The following UBXN7 variants were observed in gnomAD, a reference collection of about 807,000 sequenced individuals.
The protein encoded by UBXN7 is UBX domain protein 7.
In UBXN7, 9 loss-of-function variants were observed where a neutral mutation model predicts 58.0. The ratio of observed to expected loss-of-function variants is 0.16; its 90% confidence interval spans 0.09 to 0.27. The LOEUF is 0.27. Among genes scored for constraint, UBXN7 ranks in the 10% least tolerant of loss-of-function variants. UBXN7 has a pLI of 1.00. For missense variants in UBXN7, 328 were observed against 599.6 expected, an observed-to-expected ratio of 0.55 and a Z score of 4.73; for synonymous variants, 208 against 205.0, an observed-to-expected ratio of 1.01 and a Z score of -0.12.
chr3:196,364,359 T>C (rs1728596767), intron 8 of UBXN7, among the ~76,000 whole-genome samples: 2 of 152,316 alleles, frequency 1.3e-5, no homozygotes, highest in Non-Finnish European at 2.9e-5. Flanking sequence ...AATGACATTG[T>C]GATAGTATTT....
At chr3:196,367,052 G>A (rs1251611979) in intron 8 of UBXN7, among the ~76,000 whole-genome samples, 3 of 151,974 alleles carry the variant, frequency 2.0e-5, no homozygotes, top group Admixed American at 6.6e-5. Context: ...ATGCAGTGGT[G>A]TACGTCTGTA....
rs546159995 is a variant in UBXN7 at position 196,403,051 on chromosome 3, A to G, written c.222-32T>C. 32 of 1,569,612 alleles carry G rather than the reference A, an allele frequency of 2.0e-5. 1 individual carries two copies. The South Asian group carries it at 3.4e-4, about 17-fold the overall frequency. The stretch of plus-strand genomic sequence containing the variant: ...AAAAAAAATGGGAAAATAAAAAATG[A>G]AAACTGTTTTCTGCTACCTGTTTGC... On this transcript the variant is annotated intron_variant, in intron 2 of 10. Coordinates refer to ENST00000296328, the MANE Select transcript of UBXN7 (RefSeq NM_015562.2).
At chr3:196,381,517 C>T (rs987882377) in intron 5 of UBXN7, among the ~76,000 whole-genome samples, 3 of 152,258 alleles carry the variant, frequency 2.0e-5, no homozygotes, top group South Asian at 2.1e-4. Context: ...TAGATAAAAC[C>T]GCAAAGATGG....
intron 3 of UBXN7, among the ~76,000 whole-genome samples, chr3:196,394,230 G>C (rs1216701180): frequency 6.9e-6 from 1 of 144,292 alleles, no homozygotes; most frequent in Non-Finnish European, 1.5e-5. Flanking sequence ...AGAGGTTGCA[G>C]TAAGCCAAGA....
chr3:196,385,153 C>G (rs1309825210), intron 5 of UBXN7, among the ~76,000 whole-genome samples: 1 of 152,220 alleles, frequency 6.6e-6, no homozygotes, highest in African/African-American at 2.4e-5. Flanking sequence ...CAGGCGCGCG[C>G]CACCACGCCT....
chr3:196,370,055 G>A (rs543395904), intron 6 of UBXN7, among the ~76,000 whole-genome samples: 6 of 151,290 alleles, frequency 4.0e-5, no homozygotes, highest in Admixed American at 1.3e-4. Context: ...GCTTGAACCC[G>A]GGAGGCAGAG....
chr3:196,415,299 G>A (rs937875250), intron 1 of UBXN7, among the ~76,000 whole-genome samples: 1 of 151,110 alleles, frequency 6.6e-6, no homozygotes, highest in Non-Finnish European at 1.5e-5. Context: ...GACAATAGGC[G>A]CACGCCACCA....
At chr3:196,365,900 G>A (rs924078444) in intron 8 of UBXN7, among the ~76,000 whole-genome samples, 5 of 152,044 alleles carry the variant, frequency 3.3e-5, no homozygotes, top group African/African-American at 1.2e-4. Context: ...CAAACATTAA[G>A]GAAGAAATAA....
In UBXN7 at chr3:196,364,513, C is replaced by T. The variant is rs139070962; in HGVS notation, c.835-1826G>A. Among the ~76,000 whole-genome samples the T allele has an allele frequency of 4.0e-5, 6 of 151,622 alleles. No individual in the cohort carries two copies. In the East Asian group the frequency reaches 7.7e-4, roughly 20 times the overall value. On this transcript the variant is annotated intron_variant, in intron 8 of 10. Transcript: ENST00000296328. ...AGACTGGCCATCTGCTGATAATTAC[C>T]GAAATTAGCTAACAAAGAGGCTCAA... is the stretch of plus-strand genomic sequence containing the variant.
At chr3:196,371,506 G>GAT (rs944044172) in intron 6 of UBXN7, among the ~76,000 whole-genome samples, 7 of 152,130 alleles carry the variant, frequency 4.6e-5, no homozygotes, top group Non-Finnish European at 8.8e-5. Context: ...GTTTGAGATG[G>GAT]AGTCTAGCTC....
At chr3:196,405,469 C>CA (rs57818110) in intron 2 of UBXN7, among the ~76,000 whole-genome samples, 88 of 116,828 alleles carry the variant, frequency 7.5e-4, no homozygotes, top group African/African-American at 8.5e-4. Context: ...GACTCCGTCT[C>CA]AAAAAAAAAA....
intron 5 of UBXN7, among the ~76,000 whole-genome samples, chr3:196,383,247 C>T (rs1729271461): frequency 6.6e-6 from 1 of 152,104 alleles, no homozygotes; most frequent in Admixed American, 6.6e-5. Context: ...GTCAATTCAA[C>T]AAGAAGAGCT....
chr3:196,419,017 G>A (rs944165129), intron 1 of UBXN7, among the ~76,000 whole-genome samples: 3 of 152,178 alleles, frequency 2.0e-5, no homozygotes, highest in African/African-American at 4.8e-5. Flanking sequence ...TGTAATCCCA[G>A]CACTTTGGGA....
At chr3:196,387,983 C>T (rs1206425927) in intron 5 of UBXN7, among the ~76,000 whole-genome samples, 3 of 152,066 alleles carry the variant, frequency 2.0e-5, no homozygotes, top group Admixed American at 6.6e-5. Context: ...GCTATAAAGA[C>T]ACATGCACAC....
At chr3:196,388,906 T>G (rs1729493554) in intron 5 of UBXN7, among the ~76,000 whole-genome samples, 1 of 151,922 alleles carries the variant, frequency 6.6e-6, no homozygotes, top group South Asian at 2.1e-4. Flanking sequence ...TGCAGATGGT[T>G]AAGTATAATA....
chr3:196,388,476 T>TG (rs537871462), intron 5 of UBXN7, among the ~76,000 whole-genome samples: 44 of 151,734 alleles, frequency 2.9e-4, no homozygotes, highest in South Asian at 1.5e-3. Context: ...ACTGTTTGTT[T>TG]TTTTTTTTTC....
chr3:196,386,192 CG>C (rs997289297), intron 5 of UBXN7, among the ~76,000 whole-genome samples: 2 of 151,518 alleles, frequency 1.3e-5, no homozygotes, highest in African/African-American at 2.4e-5. Flanking sequence ...ACTCGTTAAG[CG>C]TCATCACCAC....
chr3:196,398,021 G>A (rs911036907), intron 3 of UBXN7, among the ~76,000 whole-genome samples: 2 of 152,172 alleles, frequency 1.3e-5, no homozygotes, highest in Non-Finnish European at 2.9e-5. Flanking sequence ...CTTGAGTACA[G>A]GCAGGATTGA....
At position 196,374,863 on chromosome 3, in the gene UBXN7, TGAGGG is replaced by T. The variant is rs1238328772; in HGVS notation, c.469-2826_469-2822del. 1.9e-4 allele frequency among the ~76,000 whole-genome samples: 10 copies of T among 53,934 alleles called. 1 individual carries two copies. The highest frequency in any genetic ancestry group is 1.4e-3 in the Admixed American group (6 of 4,344). The allele number at this position is 53,934 out of a possible 152,430, so 35.4% of individuals were successfully genotyped here. On this transcript the variant is annotated intron_variant, in intron 5 of 10. Coordinates refer to ENST00000296328, the MANE Select transcript of UBXN7 (RefSeq NM_015562.2). ...TTGCACTCCAGCCTGGGCAACAGAGTGAGGGGAGGGGAGGGGAGGGGAGGGGGAGG... is the reference window on the plus strand; with the variant it reads ...TTGCACTCCAGCCTGGGCAACAGAGTGAGGGGAGGGGAGGGGAGGGGGAGG...
Sources: allele counts gnomAD v4.1 joint callset (sites outside exome capture counted in the v4.1 genomes callset), GRCh38; gene constraint gnomAD v4.1.1; transcripts MANE v1.5; gene names NCBI Gene and HGNC (gene_info 2026-07-23, HGNC 2026-07-21).